Variants in CFAP20DC observed in about 807,000 individuals in gnomAD.
CFAP20DC encodes the protein protein CFAP20DC.
CFAP20DC carries 84 observed loss-of-function variants against 101.7 expected under a neutral mutation model. The ratio of observed to expected loss-of-function variants is 0.83; its 90% confidence interval spans 0.69 to 0.99. CFAP20DC has a LOEUF of 0.99. Ranked by LOEUF, CFAP20DC falls within the 50% of genes least tolerant of loss-of-function variation. CFAP20DC has a pLI of 0.00. For synonymous variants in CFAP20DC, 359 were observed against 351.2 expected (o/e 1.02, Z -0.25); for missense variants, 1,007 against 970.3 (o/e 1.04, Z -0.50).
chr3:58,854,725 A>G (rs2078603866), intron 12 of CFAP20DC, among the ~76,000 whole-genome samples: 1 of 151,744 alleles, frequency 6.6e-6, no homozygotes, highest in Non-Finnish European at 1.5e-5. Context: ...GAGAAAAACA[A>G]GCAATGGGGA....
chr3:58,975,961 C>T (rs913345694), intron 4 of CFAP20DC, among the ~76,000 whole-genome samples: 5 of 152,100 alleles, frequency 3.3e-5, no homozygotes, highest in Admixed American at 2.0e-4. Context: ...ATTTAAACAC[C>T]GAAGTGCTTC....
chr3:58,770,058 C>T (rs934229976), intron 15 of CFAP20DC, among the ~76,000 whole-genome samples: 2 of 152,120 alleles, frequency 1.3e-5, no homozygotes, highest in African/African-American at 4.8e-5. Context: ...TCTATCTTTC[C>T]TGTATGCCAG....
intron 12 of CFAP20DC, among the ~76,000 whole-genome samples, chr3:58,857,483 G>A (rs144692191): frequency 9.1e-4 from 139 of 152,292 alleles, no homozygotes; most frequent in African/African-American, 2.7e-3. Context: ...GAGATCAGCC[G>A]AGAAGCAGAT....
In CFAP20DC at chr3:58,998,671, T is replaced by C. The variant is rs114337960; in HGVS notation, c.278+40886A>G. ...TCTAGGGTAAGCCATGTGATAGACA[T>C]TAGTCAGTGGAACTGAGCAGACATG... On this transcript the variant is annotated intron_variant, in intron 4 of 16. Coordinates refer to ENST00000482387, the MANE Select transcript of CFAP20DC (RefSeq NM_001394063.1). Among the ~76,000 whole-genome samples the C allele has an allele frequency of 3.0e-3, 461 of 152,242 alleles. 1 individual carries two copies. Among genetic ancestry groups the C allele is most frequent in the African/African-American group, 0.011 (446 of 41,530 alleles).
Position 58,913,528 on chromosome 3 carries a change from TCA to T in CFAP20DC, c.550+178_550+179del. On this transcript the variant is annotated intron_variant, in intron 6 of 16. Coordinates refer to ENST00000482387, the MANE Select transcript of CFAP20DC (RefSeq NM_001394063.1). This position sits in a 1 kb window ranked among gnomAD's most constrained non-coding sequence, Gnocchi z 4.4. ...AAGATTAATACCTTTTTTGTGACAT[TCA>T]GCTATAGTAAAAATAAACATTTGAT... is the stretch of plus-strand genomic sequence containing the variant. 1 of 639,700 alleles carries T rather than the reference TCA, an allele frequency of 1.6e-6. No individual in the cohort carries two copies. The highest frequency in any genetic ancestry group is 2.8e-5 in the Admixed American group (1 of 35,138). The allele number at this position is 639,700 out of a possible 1,614,324, so 39.6% of individuals were successfully genotyped here. A position where few individuals can be genotyped will look rare whatever the true frequency, so the allele number is the denominator to read the frequency against.
chr3:58,998,755 G>A (rs1053178799), intron 4 of CFAP20DC, among the ~76,000 whole-genome samples: 29 of 152,236 alleles, frequency 1.9e-4, no homozygotes, highest in African/African-American at 7.0e-4. Flanking sequence ...CCAGAAACAG[G>A]AGCTACTCTT....
At chr3:58,753,666 A>T in intron 16 of CFAP20DC, 103 bp downstream of exon 16, 1 of 807,802 alleles carries the variant, frequency 1.2e-6, no homozygotes, top group South Asian at 1.6e-5. Flanking sequence ...AGACTAAGTG[A>T]TCAACATTTA....
intron 7 of CFAP20DC, among the ~76,000 whole-genome samples, chr3:58,871,452 C>T (rs2080206636): frequency 6.6e-6 from 1 of 152,104 alleles, no homozygotes; most frequent in Non-Finnish European, 1.5e-5. Context: ...TGCTGCCTTC[C>T]CTTCTGCACA....
At position 58,723,953 on chromosome 3, in the gene CFAP20DC, A is replaced by T. The variant is rs537984093; in HGVS notation, c.198-6325T>A. Among the ~76,000 whole-genome samples, 26 of 152,348 alleles carry T rather than the reference A, an allele frequency of 1.7e-4. No individual in the cohort carries two copies. In the East Asian group the frequency reaches 4.0e-3, roughly 24 times the overall value. ...CAGAAGAGGTAGGTGCCTTAGGCGCACATTTTTTGTTGTTCTAGCCTGTCT... is the reference window on the plus strand; with the variant it reads ...CAGAAGAGGTAGGTGCCTTAGGCGCTCATTTTTTGTTGTTCTAGCCTGTCT... On this transcript the variant is annotated intron_variant, in intron 3 of 3. Transcript: ENST00000486145.
intron 4 of CFAP20DC, among the ~76,000 whole-genome samples, chr3:59,005,645 C>T (rs905929704): frequency 6.6e-6 from 1 of 152,046 alleles, no homozygotes. Context: ...GCTTAATATC[C>T]CACCACTATA....
At chr3:58,831,654 A>G (rs773751330) in intron 14 of CFAP20DC, 32 bp downstream of exon 14, 1 of 1,597,866 alleles carries the variant, frequency 6.3e-7, no homozygotes, top group South Asian at 1.1e-5. Context: ...CTTGTTAAGC[A>G]ATGAGAGGAA....
At position 59,049,756 on chromosome 3, in the gene CFAP20DC, G is replaced by C; in HGVS notation, c.-125C>G. ...CCCGACGGGTGGGAAAGGGCTTCGT[G>C]CTTGGCCCAGACTTGGGCAGGCTCT... On this transcript the variant is annotated 5_prime_UTR_variant, in exon 1 of 17. Coordinates refer to ENST00000482387, the MANE Select transcript of CFAP20DC (RefSeq NM_001394063.1). 5.0e-6 allele frequency: 6 copies of C among 1,199,068 alleles called. No homozygotes were observed. The highest frequency in any genetic ancestry group is 5.8e-6 in the Non-Finnish European group (5 of 865,584). The allele number at this position is 1,199,068 out of a possible 1,614,324, so 74.3% of individuals were successfully genotyped here. A position where few individuals can be genotyped will look rare whatever the true frequency, so the allele number is the denominator to read the frequency against.
intron 4 of CFAP20DC, among the ~76,000 whole-genome samples, chr3:58,958,728 T>C (rs540039001): frequency 2.6e-5 from 4 of 152,390 alleles, no homozygotes; most frequent in African/African-American, 7.2e-5. Flanking sequence ...AATACTGTCA[T>C]GTGGTTTTTA....
Position 58,877,806 on chromosome 3 carries a change from G to A in CFAP20DC, c.715+6739C>T, listed in dbSNP as rs149540708. On this transcript the variant is annotated intron_variant, in intron 7 of 16. Coordinates refer to ENST00000482387, the MANE Select transcript of CFAP20DC (RefSeq NM_001394063.1). ...TGAAAAACTGGGTTTATTAATGATTGTATAGATAAGTATTGAAACTGCACG... is the reference window on the plus strand; with the variant it reads ...TGAAAAACTGGGTTTATTAATGATTATATAGATAAGTATTGAAACTGCACG... Among the ~76,000 whole-genome samples, 294 of 152,258 alleles carry A rather than the reference G, an allele frequency of 1.9e-3. 1 individual carries two copies. The highest frequency in any genetic ancestry group is 3.2e-3 in the Non-Finnish European group (221 of 68,026).
chr3:58,734,508 T>C (rs776552009), intron 3 of CFAP20DC: 3 of 456,126 alleles, frequency 6.6e-6, no homozygotes, highest in South Asian at 4.7e-5. Context: ...GGTCCATTTG[T>C]CAGCATCTTG....
chr3:59,017,648 C>A (rs1427945957), intron 4 of CFAP20DC: 1 of 152,124 alleles, frequency 6.6e-6, no homozygotes, highest in Non-Finnish European at 1.5e-5. Context: ...ATCCTCCTTA[C>A]AATTTTTTAA....
chr3:58,770,625 T>G (rs1409746832), intron 15 of CFAP20DC, among the ~76,000 whole-genome samples: 3 of 152,198 alleles, frequency 2.0e-5, no homozygotes, highest in African/African-American at 7.2e-5. Flanking sequence ...TAGAAAGGTG[T>G]GAGAGAGACC....
At chr3:59,048,233 T>C in intron 1 of CFAP20DC, among the ~76,000 whole-genome samples, 1 of 152,218 alleles carries the variant, frequency 6.6e-6, no homozygotes, top group East Asian at 1.9e-4. Flanking sequence ...ATAAACAATA[T>C]GTGAGCAAAT....
chr3:58,980,665 C>G (rs1188754294), intron 4 of CFAP20DC, among the ~76,000 whole-genome samples: 2 of 152,106 alleles, frequency 1.3e-5, no homozygotes, highest in Non-Finnish European at 2.9e-5. Context: ...ATGCTTCATG[C>G]TAAAAACTCT....
Sources: allele counts gnomAD v4.1 joint callset (sites outside exome capture counted in the v4.1 genomes callset), GRCh38; gene constraint gnomAD v4.1.1; non-coding constraint Gnocchi (gnomAD v3.1); transcripts MANE v1.5; gene names NCBI Gene and HGNC (gene_info 2026-07-23, HGNC 2026-07-21).